NRXN3: variants seen among roughly 807,000 people sequenced by gnomAD.
The protein encoded by NRXN3 is neurexin III.
A neutral mutation model predicts 137.6 loss-of-function variants in NRXN3; 32 were observed. The ratio of observed to expected loss-of-function variants is 0.23; its 90% CI spans 0.18 to 0.31. The LOEUF (loss-of-function observed/expected upper bound fraction) is 0.31, where lower values mean the gene tolerates loss of function less well. Among genes scored for constraint, NRXN3 ranks in the 10% least tolerant of loss-of-function variants. The pLI, the probability that NRXN3 is intolerant of heterozygous loss-of-function variation, is 1.00. For synonymous variants in NRXN3, 798 were observed against 784.5 expected, an observed-to-expected ratio of 1.02 and a Z score of -0.29; for missense variants, 1,574 against 2,062.5, an observed-to-expected ratio of 0.76 and a Z score of 4.59.
chr14:78,242,561 AGT>A lies in NRXN3; in HGVS notation c.-531_-530del, dbSNP rs1344163361. 2 of 154,558 alleles carry A rather than the reference AGT, an allele frequency of 1.3e-5. No homozygotes were observed. Among genetic ancestry groups the A allele is most frequent in the Non-Finnish European group, 2.9e-5 (2 of 69,802 alleles). 9.6% of individuals were successfully genotyped at this position (154,558 alleles called of 1,614,324 possible). A position where few individuals can be genotyped will look rare whatever the true frequency, so the allele number is the denominator to read the frequency against. On this transcript the variant is annotated 5_prime_UTR_variant, in exon 2 of 21. Transcript: ENST00000335750. ...CGCTGCTAGGAGGTAGAACTTTAGG[AGT>A]GGTCCTTGGCCTGTTTCTACCTGTC... is the stretch of plus-strand genomic sequence containing the variant.
intron 15 of NRXN3, among the ~76,000 whole-genome samples, chr14:79,250,569 A>G (rs2075795308): frequency 6.6e-6 from 1 of 152,204 alleles, no homozygotes; most frequent in South Asian, 2.1e-4. Context: ...GCAGTTAAAG[A>G]ACTCACTGGT....
chr14:79,231,921 G>C (rs985894854), intron 15 of NRXN3, among the ~76,000 whole-genome samples: 1 of 152,078 alleles, frequency 6.6e-6, no homozygotes, highest in African/African-American at 2.4e-5. Context: ...GGAGAGGGAA[G>C]TTGAGATTTC....
rs1464425228 is a variant in NRXN3, at chr14:79,362,032, T to TATTATC, written c.3263-105186_3263-105185insATCATT. 5.1e-4 allele frequency among the ~76,000 whole-genome samples: 76 copies of TATTATC among 147,920 alleles called. 1 individual carries two copies. Among genetic ancestry groups the TATTATC allele is most frequent in the African/African-American group, 1.8e-3 (73 of 40,654 alleles). On this transcript the variant is annotated intron_variant, in intron 15 of 20. Transcript: ENST00000335750. ...TTATTATTATTATTATTATTATTAT[T>TATTATC]ATTTGCAACCTCTGCCTCCAGGTTT... is the stretch of plus-strand genomic sequence containing the variant.
chr14:79,382,055 C>A (rs1224854859), intron 15 of NRXN3, among the ~76,000 whole-genome samples: 1 of 152,196 alleles, frequency 6.6e-6, no homozygotes, highest in African/African-American at 2.4e-5. Flanking sequence ...ACATTTTAAA[C>A]TGTGTGCCTT....
At chr14:78,905,700 T>A (rs1171861443) in intron 10 of NRXN3, among the ~76,000 whole-genome samples, 1 of 152,092 alleles carries the variant, frequency 6.6e-6, no homozygotes, top group Non-Finnish European at 1.5e-5. Flanking sequence ...ATCATTTTGA[T>A]GGTTTATAAT....
intron 4 of NRXN3, among the ~76,000 whole-genome samples, chr14:78,371,910 C>A (rs1431732656): frequency 6.6e-6 from 1 of 152,158 alleles, no homozygotes; most frequent in African/African-American, 2.4e-5. Flanking sequence ...AGAAGACAGG[C>A]ACTAGTATTA....
At chr14:79,267,745 A>C (rs1250907645) in intron 15 of NRXN3, among the ~76,000 whole-genome samples, 1 of 152,200 alleles carries the variant, frequency 6.6e-6, no homozygotes, top group African/African-American at 2.4e-5. Flanking sequence ...TGGCCTCCCA[A>C]ACTGCTGGGT....
At chr14:78,718,699 A>T (rs191036106) in intron 8 of NRXN3, among the ~76,000 whole-genome samples, 1 of 152,252 alleles carries the variant, frequency 6.6e-6, no homozygotes, top group Admixed American at 6.5e-5. Flanking sequence ...CTTGATTGAT[A>T]TTGTATTTAG....
chr14:79,814,267 CTT>C (rs1480398887), intron 20 of NRXN3, among the ~76,000 whole-genome samples: 1 of 152,210 alleles, frequency 6.6e-6, no homozygotes, highest in African/African-American at 2.4e-5. Context: ...GCATGTGTCT[CTT>C]GTTTGGCACA....
chr14:78,621,903 A>G (rs2097408454), intron 4 of NRXN3, among the ~76,000 whole-genome samples: 1 of 152,220 alleles, frequency 6.6e-6, no homozygotes. Context: ...TAGTAAGCAT[A>G]TACCAAAATG....
intron 15 of NRXN3, among the ~76,000 whole-genome samples, chr14:79,374,253 A>C (rs1424111118): frequency 6.6e-6 from 1 of 152,164 alleles, no homozygotes; most frequent in Non-Finnish European, 1.5e-5. Flanking sequence ...AACTGAACAG[A>C]TGACTCCCTG....
At chr14:78,579,361 C>T (rs895882017) in intron 4 of NRXN3, among the ~76,000 whole-genome samples, 1 of 152,120 alleles carries the variant, frequency 6.6e-6, no homozygotes, top group African/African-American at 2.4e-5. Flanking sequence ...GTGAATATCT[C>T]CCTTAGGGCG....
chr14:79,393,642 G>C (rs1245276150), intron 15 of NRXN3, among the ~76,000 whole-genome samples: 1 of 152,092 alleles, frequency 6.6e-6, no homozygotes. Flanking sequence ...GTGAAACCCT[G>C]GCTCTACTAA....
intron 6 of NRXN3, among the ~76,000 whole-genome samples, chr14:78,681,452 C>A (rs1349166028): frequency 3.9e-5 from 6 of 152,182 alleles, no homozygotes; most frequent in Admixed American, 3.3e-4. Flanking sequence ...TACAGCAAGA[C>A]CCTCTCCATA....
rs1164638412 is a variant in NRXN3, at chr14:78,290,638, C to CA, written c.728-7184dup. ...TGGGCAACAGAGTGAGACCTTGTCT[C>CA]AAAAAAAAAGGGGGACTTAGGTAGA... is the stretch of plus-strand genomic sequence containing the variant. On this transcript the variant is annotated intron_variant, in intron 3 of 20. Coordinates refer to ENST00000335750, the MANE Select transcript of NRXN3 (RefSeq NM_001330195.2). Among the ~76,000 whole-genome samples the CA allele has an allele frequency of 2.2e-3, 335 of 150,658 alleles. 2 individuals are homozygous for CA. Among genetic ancestry groups the CA allele is most frequent in the African/African-American group, 7.4e-3 (305 of 41,096 alleles).
chr14:78,266,838 AGGGGT>A (rs1412160182), intron 2 of NRXN3, among the ~76,000 whole-genome samples: 1 of 152,202 alleles, frequency 6.6e-6, no homozygotes, highest in African/African-American at 2.4e-5. Flanking sequence ...GGAGAAATGG[AGGGGT>A]ACAAAGGAAA....
At chr14:78,773,305 T>C (rs2098734376) in intron 8 of NRXN3, among the ~76,000 whole-genome samples, 1 of 152,150 alleles carries the variant, frequency 6.6e-6, no homozygotes, top group African/African-American at 2.4e-5. Flanking sequence ...CTGAGGGTCA[T>C]CTATTGATAT....
At chr14:78,424,829 A>T (rs192707350) in intron 4 of NRXN3, among the ~76,000 whole-genome samples, 1 of 152,322 alleles carries the variant, frequency 6.6e-6, no homozygotes, top group Admixed American at 6.5e-5. Flanking sequence ...ACATGGAGAA[A>T]CTGAGGCACA....
At chr14:79,691,206 A>AG (rs891204468) in intron 17 of NRXN3, among the ~76,000 whole-genome samples, 4 of 151,988 alleles carry the variant, frequency 2.6e-5, no homozygotes, top group Admixed American at 6.6e-5. Context: ...ACGAAGGAAG[A>AG]GGGGGGGCAT....
Sources: gnomAD v4.1 joint callset for allele counts (sites outside exome capture counted in the v4.1 genomes callset) on GRCh38, gnomAD v4.1.1 for gene constraint, MANE v1.5 for transcripts, NCBI Gene and HGNC (gene_info 2026-07-23, HGNC 2026-07-21) for gene names.